KCNJ3: variants seen among roughly 807,000 people sequenced by gnomAD.
The protein encoded by KCNJ3 is potassium inwardly rectifying channel subfamily J member 3.
A neutral mutation model predicts 39.2 loss-of-function variants in KCNJ3; 4 were observed. The observed-to-expected ratio is 0.10, with a 90% CI of 0.05 to 0.23. The LOEUF (loss-of-function observed/expected upper bound fraction) is 0.23. KCNJ3 is among the 10% of genes least tolerant of loss of function. The pLI is 1.00. For missense variants in KCNJ3, 276 were observed against 634.9 expected (o/e 0.43, Z 6.08); for synonymous variants, 230 against 237.4 (o/e 0.97, Z 0.29).
At chr2:154,769,403 T>C (rs1410478415) in intron 2 of KCNJ3, among the ~76,000 whole-genome samples, 1 of 152,218 alleles carries the variant, frequency 6.6e-6, no homozygotes, top group East Asian at 1.9e-4. Flanking sequence ...TGAAGGGCTG[T>C]TGAATTTTTT....
intron 2 of KCNJ3, among the ~76,000 whole-genome samples, chr2:154,816,061 C>T (rs994870369): frequency 2.0e-5 from 3 of 152,156 alleles, no homozygotes; most frequent in Non-Finnish European, 4.4e-5. Context: ...ATGCAAACTT[C>T]ATGAGGGTGT....
At chr2:154,738,164 G>A (rs1476849976) in intron 2 of KCNJ3, among the ~76,000 whole-genome samples, 1 of 152,200 alleles carries the variant, frequency 6.6e-6, no homozygotes, top group Non-Finnish European at 1.5e-5. Flanking sequence ...AGTGAAACGA[G>A]CCAGGCACAG....
At chr2:154,750,017 T>C (rs1201073906) in intron 2 of KCNJ3, among the ~76,000 whole-genome samples, 2 of 152,000 alleles carry the variant, frequency 1.3e-5, no homozygotes, top group African/African-American at 4.8e-5. Flanking sequence ...ATGCCTAAAA[T>C]AGTAGTTTAT....
intron 2 of KCNJ3, among the ~76,000 whole-genome samples, chr2:154,847,551 GA>G (rs1264695886): frequency 1.3e-5 from 2 of 150,810 alleles, no homozygotes; most frequent in Non-Finnish European, 3.0e-5. Context: ...TAGATTTATG[GA>G]AAAAACTAAC....
chr2:154,851,241 GA>G (rs1045768313), intron 2 of KCNJ3, among the ~76,000 whole-genome samples: 52 of 149,114 alleles, frequency 3.5e-4, no homozygotes, highest in African/African-American at 9.2e-4. Flanking sequence ...GAGCCCATCT[GA>G]AAAAAAAAAA....
Position 154,851,763 on chromosome 2 carries a change from CA to C in KCNJ3, c.920-2962del, listed in dbSNP as rs1224109749. On this transcript the variant is annotated intron_variant, in intron 2 of 2. Transcript: ENST00000295101. ...ACAATGATTACAAGTATTTTAATGCCAACAAACATTTGAATACACGTTTCCA... is the reference window on the plus strand; with the variant it reads ...ACAATGATTACAAGTATTTTAATGCCACAAACATTTGAATACACGTTTCCA... 3.3e-5 allele frequency among the ~76,000 whole-genome samples: 5 copies of C among 152,054 alleles called. No individual in the cohort carries two copies. The East Asian group carries it at 9.6e-4, about 29-fold the overall frequency.
At chr2:154,719,570 C>T (rs1685232866) in intron 2 of KCNJ3, among the ~76,000 whole-genome samples, 1 of 152,130 alleles carries the variant, frequency 6.6e-6, no homozygotes, top group South Asian at 2.1e-4. Flanking sequence ...GTTAGTGCCA[C>T]TCACTGATGG....
intron 2 of KCNJ3, among the ~76,000 whole-genome samples, chr2:154,754,271 CT>C (rs939829997): frequency 1.3e-5 from 2 of 152,016 alleles, no homozygotes; most frequent in Admixed American, 1.3e-4. Context: ...GTGAACATTT[CT>C]TTTTTTCTTT....
intron 2 of KCNJ3, among the ~76,000 whole-genome samples, chr2:154,789,015 C>G (rs1175943701): frequency 2.6e-5 from 4 of 151,918 alleles, no homozygotes; most frequent in African/African-American, 9.7e-5. Context: ...GTTTGAGAAA[C>G]CATTACCACA....
chr2:154,799,126 T>C (rs1686767456), intron 2 of KCNJ3, among the ~76,000 whole-genome samples: 1 of 152,038 alleles, frequency 6.6e-6, no homozygotes, highest in Non-Finnish European at 1.5e-5. Context: ...AACAGTAAGT[T>C]TTTTGTTTGT....
intron 1 of KCNJ3, among the ~76,000 whole-genome samples, chr2:154,700,567 A>C (rs954896257): frequency 2.0e-5 from 3 of 152,268 alleles, no homozygotes; most frequent in Admixed American, 2.0e-4. Context: ...GGTTGCGTAG[A>C]GAACTGAAGC....
chr2:154,786,087 T>C (rs1686524568), intron 2 of KCNJ3, among the ~76,000 whole-genome samples: 1 of 152,212 alleles, frequency 6.6e-6, no homozygotes, highest in Admixed American at 6.5e-5. Flanking sequence ...AATATGGAGC[T>C]TCATCTTCTG....
At chr2:154,789,908 T>A (rs922977471) in intron 2 of KCNJ3, among the ~76,000 whole-genome samples, 4 of 152,094 alleles carry the variant, frequency 2.6e-5, no homozygotes, top group African/African-American at 9.7e-5. Context: ...GAATACAAAA[T>A]GAACACTAAT....
At chr2:154,807,130 A>G (rs1041288018) in intron 2 of KCNJ3, among the ~76,000 whole-genome samples, 6 of 152,194 alleles carry the variant, frequency 3.9e-5, no homozygotes, top group African/African-American at 1.4e-4. Context: ...GCACAGAAAC[A>G]TTCAGTCATT....
intron 2 of KCNJ3, among the ~76,000 whole-genome samples, chr2:154,761,010 T>C (rs2105188872): frequency 6.6e-6 from 1 of 151,274 alleles, no homozygotes; most frequent in Admixed American, 6.6e-5. Context: ...GTGCTGGGAT[T>C]ACAGGTGTGA....
intron 2 of KCNJ3, among the ~76,000 whole-genome samples, chr2:154,766,614 T>C (rs866211864): frequency 6.6e-5 from 10 of 152,238 alleles, no homozygotes; most frequent in Middle Eastern, 3.4e-3. Context: ...TGGAGTACAG[T>C]GGCATGATCT....
intron 2 of KCNJ3, among the ~76,000 whole-genome samples, chr2:154,807,549 C>T (rs1441006556): frequency 6.6e-6 from 1 of 152,122 alleles, no homozygotes; most frequent in African/African-American, 2.4e-5. Flanking sequence ...TTTGTCTATA[C>T]CAACTACCAG....
intron 2 of KCNJ3, among the ~76,000 whole-genome samples, chr2:154,831,668 T>G (rs2105119940): frequency 6.6e-6 from 1 of 152,210 alleles, no homozygotes; most frequent in East Asian, 1.9e-4. Context: ...TCATAAATAT[T>G]TATTAAGAAC....
chr2:154,793,130 G>A (rs541771674), intron 2 of KCNJ3, among the ~76,000 whole-genome samples: 1 of 152,132 alleles, frequency 6.6e-6, no homozygotes, highest in South Asian at 2.1e-4. Context: ...ACATTCAAAA[G>A]TGAAAGACTT....
Sources: gnomAD v4.1 joint callset for allele counts (sites outside exome capture counted in the v4.1 genomes callset) on GRCh38, gnomAD v4.1.1 for gene constraint, MANE v1.5 for transcripts, NCBI Gene and HGNC (gene_info 2026-07-23, HGNC 2026-07-21) for gene names.